SCHIP1: variants seen among roughly 807,000 people sequenced by gnomAD.
The protein encoded by SCHIP1 is schwannomin interacting protein 1, also known as schwannomin-interacting protein 1.
In SCHIP1, 8 loss-of-function variants were observed where a neutral mutation model predicts 29.7. The observed-to-expected ratio is 0.27, with a 90% CI of 0.16 to 0.49. The LOEUF (loss-of-function observed/expected upper bound fraction) is 0.49, where lower values mean the gene tolerates loss of function less well. SCHIP1 is among the 20% of genes least tolerant of loss of function. SCHIP1 has a pLI of 0.99. For synonymous variants in SCHIP1, 76 were observed against 94.9 expected (o/e 0.80, Z 1.16); for missense variants, 193 against 294.6 (o/e 0.66, Z 2.52).
chr3:159,303,301 G>A, the SCHIP1 span, among the ~76,000 whole-genome samples: 2 of 152,100 alleles, frequency 1.3e-5, no homozygotes, highest in African/African-American at 2.4e-5. Context: ...GCAGTGGTCT[G>A]TAGTGATCAC....
At chr3:159,566,517 A>C in the SCHIP1 span, among the ~76,000 whole-genome samples, 2 of 152,194 alleles carry the variant, frequency 1.3e-5, no homozygotes, top group Non-Finnish European at 2.9e-5. Context: ...GATAAGTGCT[A>C]ATGTAAAAGA....
chr3:159,581,232 G>C, the SCHIP1 span, among the ~76,000 whole-genome samples: 1 of 152,060 alleles, frequency 6.6e-6, no homozygotes, highest in Non-Finnish European at 1.5e-5. Context: ...AGGCAAAATG[G>C]CTAGGGACTT....
the SCHIP1 span, among the ~76,000 whole-genome samples, chr3:159,586,118 G>C: frequency 6.6e-6 from 1 of 152,070 alleles, no homozygotes; most frequent in South Asian, 2.1e-4. Flanking sequence ...ATAAGCCTGA[G>C]GATTTGCAAT....
the SCHIP1 span, among the ~76,000 whole-genome samples, chr3:159,669,436 A>C: frequency 6.6e-6 from 1 of 152,258 alleles, no homozygotes; most frequent in Non-Finnish European, 1.5e-5. Context: ...CCCAGTGTCT[A>C]TCCAATAGGA....
intron 2 of SCHIP1, among the ~76,000 whole-genome samples, chr3:159,885,801 TGA>T (rs1290531844): frequency 1.3e-5 from 2 of 152,230 alleles, no homozygotes; most frequent in East Asian, 1.9e-4. Context: ...CTGGCTCCAG[TGA>T]GAGAGTCTTT....
At chr3:159,745,099 AG>A in the SCHIP1 span, among the ~76,000 whole-genome samples, 1 of 152,190 alleles carries the variant, frequency 6.6e-6, no homozygotes, top group Non-Finnish European at 1.5e-5. Context: ...TGTCTATAAC[AG>A]GCCTGTTCAT....
At chr3:159,655,093 C>G in the SCHIP1 span, among the ~76,000 whole-genome samples, 1 of 152,188 alleles carries the variant, frequency 6.6e-6, no homozygotes, top group Non-Finnish European at 1.5e-5. Context: ...CCAGCTCTAC[C>G]ATTTATTTGT....
the SCHIP1 span, among the ~76,000 whole-genome samples, chr3:159,632,818 A>G: frequency 6.6e-6 from 1 of 152,310 alleles, no homozygotes; most frequent in East Asian, 1.9e-4. Flanking sequence ...GGATATTTCA[A>G]AAGAAGATAG....
At chr3:159,508,692 A>G in the SCHIP1 span, among the ~76,000 whole-genome samples, 2 of 152,342 alleles carry the variant, frequency 1.3e-5, no homozygotes, top group African/African-American at 4.8e-5. Flanking sequence ...GGTTTCAAAG[A>G]ACATCTTTAT....
the SCHIP1 span, among the ~76,000 whole-genome samples, chr3:159,453,417 C>T: frequency 1.3e-5 from 2 of 152,158 alleles, no homozygotes; most frequent in Non-Finnish European, 2.9e-5. Flanking sequence ...CCATCACCAT[C>T]GGCAGTTGGT....
chr3:159,339,677 G>A, the SCHIP1 span, among the ~76,000 whole-genome samples: 6 of 152,064 alleles, frequency 3.9e-5, no homozygotes, highest in East Asian at 9.7e-4. Context: ...TCAAAATTAG[G>A]GTATACAACA....
chr3:159,598,935 A>G, the SCHIP1 span, among the ~76,000 whole-genome samples: 2 of 152,142 alleles, frequency 1.3e-5, no homozygotes, highest in East Asian at 1.9e-4. Context: ...CTTTTTCATT[A>G]TATAATGACA....
the SCHIP1 span, among the ~76,000 whole-genome samples, chr3:159,718,771 T>C: frequency 1.3e-5 from 2 of 152,160 alleles, no homozygotes; most frequent in African/African-American, 2.4e-5. Flanking sequence ...TGCTCATAGA[T>C]AGGAAGAATC....
At chr3:159,395,805 A>G in the SCHIP1 span, among the ~76,000 whole-genome samples, 9 of 151,636 alleles carry the variant, frequency 5.9e-5, no homozygotes, top group East Asian at 2.0e-4. Context: ...TGTTGATTTG[A>G]GGTGGAGAGT....
chr3:159,805,031 T>C, the SCHIP1 span, among the ~76,000 whole-genome samples: 2 of 152,286 alleles, frequency 1.3e-5, no homozygotes, highest in South Asian at 4.2e-4. Context: ...CTCAATCTCA[T>C]TGGCCCAAAT....
the SCHIP1 span, among the ~76,000 whole-genome samples, chr3:159,509,089 T>A: frequency 2.0e-5 from 3 of 152,194 alleles, no homozygotes; most frequent in African/African-American, 7.2e-5. Context: ...CCCATTATTA[T>A]TGTGTGGGAG....
At chr3:159,436,099 G>A in the SCHIP1 span, among the ~76,000 whole-genome samples, 1 of 152,214 alleles carries the variant, frequency 6.6e-6, no homozygotes, top group South Asian at 2.1e-4. Context: ...TGCTCTACAG[G>A]TGTGGTCACC....
chr3:159,716,513 G>A, the SCHIP1 span, among the ~76,000 whole-genome samples: 3 of 152,172 alleles, frequency 2.0e-5, no homozygotes, highest in African/African-American at 4.8e-5. Flanking sequence ...CCCCTCTCAT[G>A]TGCAGAGACA....
the SCHIP1 span, among the ~76,000 whole-genome samples, chr3:159,727,829 C>G: frequency 6.6e-6 from 1 of 152,036 alleles, no homozygotes; most frequent in African/African-American, 2.4e-5. Context: ...TTCAGTATAT[C>G]TAGGCTGCCT....
Sources: gnomAD v4.1 joint callset for allele counts (sites outside exome capture counted in the v4.1 genomes callset) on GRCh38, gnomAD v4.1.1 for gene constraint, MANE v1.5 for transcripts, NCBI Gene and HGNC (gene_info 2026-07-23, HGNC 2026-07-21) for gene names.